Variants in ZNF800 observed in about 807,000 individuals in gnomAD.
The protein encoded by ZNF800 is zinc finger protein 800.
In ZNF800, 13 loss-of-function variants were observed where a neutral mutation model predicts 59.5. The observed-to-expected ratio is 0.22, with a 90% CI of 0.14 to 0.35. ZNF800 has a LOEUF of 0.35. Ranked by LOEUF, ZNF800 falls within the 10% of genes least tolerant of loss-of-function variation. ZNF800 has a pLI of 1.00. For missense variants in ZNF800, 621 were observed against 783.7 expected (o/e 0.79, Z 2.48); for synonymous variants, 266 against 265.7 (o/e 1.00, Z -0.01).
At position 127,356,255 on chromosome 7, in the gene ZNF800, CTGTG is replaced by C. The variant is rs569310339; in HGVS notation, n.225-8216_225-8213del. Among the ~76,000 whole-genome samples, 49 of 143,780 alleles carry C rather than the reference CTGTG, an allele frequency of 3.4e-4. 1 individual carries two copies. In the South Asian group the frequency reaches 0.01, roughly 30 times the overall value. 94.3% of individuals were successfully genotyped at this position (143,780 alleles called of 152,430 possible). On this transcript the variant is annotated intron_variant and non_coding_transcript_variant, in intron 1 of 1. Transcript: ENST00000485577. ...TTATTACATGGATAAAAAGTTGTGT[CTGTG>C]TGTGTGTGTGTATGTGTGTGTGAGA... is the stretch of plus-strand genomic sequence containing the variant.
rs555995079 is a variant in ZNF800, at chr7:127,373,195, T to C, written c.1994+147A>G. 196 of 1,445,048 alleles carry C rather than the reference T, an allele frequency of 1.4e-4. 1 individual carries two copies. In the Middle Eastern group the frequency reaches 1.9e-3, roughly 14 times the overall value. The allele number at this position is 1,445,048 out of a possible 1,614,324, so 89.5% of individuals were successfully genotyped here. ...AAGGTCACTGAAGAGGTAAATGCAA[T>C]ATGCACATTACTCTTGCAGTTCCCA... On this transcript the variant is annotated intron_variant, in intron 5 of 5. Transcript: ENST00000265827.
Position 127,380,482 on chromosome 7 carries a change from CACAA to C in ZNF800, c.158-3157_158-3154del, listed in dbSNP as rs1278738245. On this transcript the variant is annotated intron_variant, in intron 3 of 5. Transcript: ENST00000265827. Reference sequence around the variant, plus strand: ...GAGAAAAATAAGGTGTGTCTCAGTCCACAAACAGAGATAATAAAAGTTTTTCCCT... The same window carrying C: ...GAGAAAAATAAGGTGTGTCTCAGTCCACAGAGATAATAAAAGTTTTTCCCT... Among the ~76,000 whole-genome samples the C allele has an allele frequency of 1.3e-4, 20 of 152,078 alleles. 1 individual carries two copies. The highest frequency in any genetic ancestry group is 1.3e-3 in the Admixed American group (20 of 15,264).
chr7:127,382,485 G>A (rs981176759), intron 3 of ZNF800, among the ~76,000 whole-genome samples: 7 of 152,180 alleles, frequency 4.6e-5, no homozygotes, highest in African/African-American at 1.7e-4. Context: ...AGGGAAATTT[G>A]AAGACACCAT....
chr7:127,360,983 T>C (rs1270593555), intron 1 of ZNF800: 1 of 152,080 alleles, frequency 6.6e-6, no homozygotes, highest in Non-Finnish European at 1.5e-5. Flanking sequence ...ATTCTATAGG[T>C]CACAAACTGT....
At chr7:127,363,136 A>C (rs2117056486) in intron 1 of ZNF800, 1 of 152,184 alleles carries the variant, frequency 6.6e-6, no homozygotes, top group African/African-American at 2.4e-5. Flanking sequence ...AGAAATTTTA[A>C]AAGGAAGATA....
intron 1 of ZNF800, chr7:127,350,517 GGTAC>G (rs1290451963): frequency 1.3e-5 from 2 of 152,150 alleles, no homozygotes; most frequent in Admixed American, 1.3e-4. Context: ...GACTCACAAA[GGTAC>G]GTATTTAATA....
intron 3 of ZNF800, among the ~76,000 whole-genome samples, chr7:127,380,319 A>C (rs1800937493): frequency 6.6e-6 from 1 of 152,182 alleles, no homozygotes; most frequent in South Asian, 2.1e-4. Context: ...GATATTTGCT[A>C]AATGAAATAC....
At chr7:127,344,227 T>C (rs1188588837), downstream of ZNF800, among the ~76,000 whole-genome samples, 2 of 151,786 alleles carry the variant, frequency 1.3e-5, no homozygotes, top group Admixed American at 6.6e-5. Context: ...CAAAAATAAA[T>C]AGCTTGACCC....
At chr7:127,389,770 T>C (rs1303227248) in intron 2 of ZNF800, among the ~76,000 whole-genome samples, 1 of 152,170 alleles carries the variant, frequency 6.6e-6, no homozygotes, top group Non-Finnish European at 1.5e-5. Flanking sequence ...GTAAAAGATG[T>C]TGAAAATTTT....
chr7:127,374,469 A>G lies in ZNF800; in HGVS notation c.867T>C (p.Cys289=). 6.2e-7 allele frequency: 1 copy of G among 1,614,124 alleles called. No homozygotes were observed. Among genetic ancestry groups the G allele is most frequent in the African/African-American group, 1.3e-5 (1 of 75,062 alleles). The change falls in exon 5 of 6, where the codon TGT becomes TGC. Residue 289 remains cysteine, a synonymous_variant. Coordinates refer to ENST00000265827, the MANE Select transcript of ZNF800 (RefSeq NM_176814.5). ...TAGCAAATGATTTACAACATACTGG[A>G]CAACTCCTACTTAATGGAACTAGAA... The part of the protein sequence containing the change: ...KNVLVPLSRS[C]PVCCKSFATK...
At chr7:127,368,007 C>T (rs1374651799), downstream of ZNF800, among the ~76,000 whole-genome samples, 1 of 151,970 alleles carries the variant, frequency 6.6e-6, no homozygotes, top group Non-Finnish European at 1.5e-5. Flanking sequence ...AAATAATAAG[C>T]CTCCCAAATT....
chr7:127,371,907 G>T, intron 5 of ZNF800, 93 bp from the exon 6 acceptor site: 1 of 610,302 alleles, frequency 1.6e-6, no homozygotes, highest in African/African-American at 1.9e-5. Context: ...TCTAAAAGAT[G>T]GTTTCATCTC....
chr7:127,354,068 A>C (rs1170402251), intron 1 of ZNF800, among the ~76,000 whole-genome samples: 2 of 152,134 alleles, frequency 1.3e-5, no homozygotes, highest in Non-Finnish European at 2.9e-5. Context: ...TGGCCTTGAG[A>C]TAAACTGTTT....
chr7:127,365,571 G>C (rs1341706196), downstream of ZNF800, among the ~76,000 whole-genome samples: 1 of 151,950 alleles, frequency 6.6e-6, no homozygotes, highest in African/African-American at 2.4e-5. Flanking sequence ...AAACAAAACT[G>C]TCCTGAGTTT....
chr7:127,355,977 A>C (rs182758794), intron 1 of ZNF800, among the ~76,000 whole-genome samples: 29 of 152,144 alleles, frequency 1.9e-4, no homozygotes, highest in Admixed American at 9.2e-4. Flanking sequence ...CATACTCAGG[A>C]ATCAGCTCCA....
In ZNF800 at chr7:127,392,537, T is replaced by A. The variant is rs1225029420; in HGVS notation, c.-536A>T. The A allele has an allele frequency of 1.6e-5, 5 of 304,972 alleles. No homozygotes were observed. The highest frequency in any genetic ancestry group is 3.0e-5 in the Non-Finnish European group (5 of 166,252). 18.9% of individuals were successfully genotyped at this position (304,972 alleles called of 1,614,324 possible). Reference sequence around the variant, plus strand: ...GGAGAGGGGCGGAGAAAAATGGGGGTCTCCCCCAACCTTGGGCCTTTTCGG... The same window carrying A: ...GGAGAGGGGCGGAGAAAAATGGGGGACTCCCCCAACCTTGGGCCTTTTCGG... On this transcript the variant is annotated 5_prime_UTR_variant, in exon 1 of 6. Transcript: ENST00000265827.
intron 2 of ZNF800, among the ~76,000 whole-genome samples, chr7:127,389,505 C>T (rs1801241061): frequency 6.6e-6 from 1 of 152,140 alleles, no homozygotes; most frequent in Admixed American, 6.5e-5. Flanking sequence ...GTCATCTTCC[C>T]TCCATCTGTG....
intron 1 of ZNF800, 36 bp downstream of exon 1, chr7:127,392,024 A>G: frequency 2.6e-6 from 1 of 387,124 alleles, no homozygotes; most frequent in Non-Finnish European, 4.6e-6. Context: ...TCCCTGGCGG[A>G]GACCCCGTCC....
In ZNF800 at chr7:127,373,134, T is replaced by A. The variant is rs1234484562; in HGVS notation, c.1994+208A>T. 4 of 985,332 alleles carry A rather than the reference T, an allele frequency of 4.1e-6. No homozygotes were observed. The African/African-American group carries it at 7.0e-5, about 17-fold the overall frequency. 61.0% of individuals were successfully genotyped at this position (985,332 alleles called of 1,614,324 possible). A position where few individuals can be genotyped will look rare whatever the true frequency, so the allele number is the denominator to read the frequency against. ...TTGCATTGTCCTGTGGAAGATAAGT[T>A]CTGAAGTTAACTTTTGTTCCCAAGC... On this transcript the variant is annotated intron_variant, in intron 5 of 5. Transcript: ENST00000265827.
Sources: allele counts gnomAD v4.1 joint callset (sites outside exome capture counted in the v4.1 genomes callset), GRCh38; gene constraint gnomAD v4.1.1; transcripts MANE v1.5; gene names NCBI Gene and HGNC (gene_info 2026-07-23, HGNC 2026-07-21).